The following KLHL26 variants were observed in gnomAD, a reference collection of about 807,000 sequenced individuals.
KLHL26 encodes kelch-like protein 26.
A neutral mutation model predicts 7.1 loss-of-function variants in KLHL26; 4 were observed. The ratio of observed to expected loss-of-function variants is 0.56; its 90% CI spans 0.28 to 1.28. KLHL26 has a LOEUF of 1.28. KLHL26 is among the 50% of genes most tolerant of loss of function. KLHL26 has a pLI of 0.11. For missense variants in KLHL26, 896 were observed against 924.6 expected (o/e 0.97, Z 0.40); for synonymous variants, 465 against 414.1 (o/e 1.12, Z -1.49).
intron 1 of KLHL26, among the ~76,000 whole-genome samples, chr19:18,660,530 G>A (rs906020277): frequency 1.3e-5 from 2 of 152,194 alleles, no homozygotes; most frequent in African/African-American, 2.4e-5. Flanking sequence ...CGTGCCGGCC[G>A]CCCCCTGTCT....
chr19:18,655,939 C>T (rs1027395843), intron 1 of KLHL26, among the ~76,000 whole-genome samples: 2 of 152,166 alleles, frequency 1.3e-5, no homozygotes, highest in African/African-American at 2.4e-5. Flanking sequence ...CATCACAGCC[C>T]GGCCTTGAGG....
At chr19:18,641,478 C>T (rs961422691) in intron 1 of KLHL26, among the ~76,000 whole-genome samples, 3 of 151,452 alleles carry the variant, frequency 2.0e-5, no homozygotes, top group African/African-American at 7.3e-5. Context: ...GCTACCACAC[C>T]CGGCTAATTT....
chr19:18,668,315 G>C lies in KLHL26; in HGVS notation c.918G>C (p.Ser306=), dbSNP rs779278866. ...EMQSPRTAVR[S]DVPSLVTFGG... ...AGTCTCCGCGCACCGCCGTGCGCTC[G>C]GATGTGCCCTCGCTCGTCACCTTCG... The change falls in exon 3 of 3, where the codon TCG becomes TCC. Residue 306 remains serine (S), a synonymous_variant. Transcript: ENST00000300976. The C allele has an allele frequency of 6.2e-7, 1 of 1,611,016 alleles. No individual in the cohort carries two copies. Among genetic ancestry groups the C allele is most frequent in the Non-Finnish European group, 8.5e-7 (1 of 1,179,726 alleles).
chr19:18,654,365 T>A (rs1311266370), intron 1 of KLHL26, among the ~76,000 whole-genome samples: 1 of 129,120 alleles, frequency 7.7e-6, no homozygotes, highest in Non-Finnish European at 1.6e-5. Flanking sequence ...TGCCCACTCA[T>A]CCACCATCTG....
In KLHL26 at chr19:18,670,329, G is replaced by C. The variant is rs979619289; in HGVS notation, c.*1084G>C. 1 of 151,282 alleles carries C rather than the reference G, an allele frequency of 6.6e-6. No individual in the cohort carries two copies. Among genetic ancestry groups the C allele is most frequent in the Non-Finnish European group, 1.5e-5 (1 of 67,664 alleles). The allele number at this position is 151,282 out of a possible 1,614,324, so 9.4% of individuals were successfully genotyped here. A position where few individuals can be genotyped will look rare whatever the true frequency, so the allele number is the denominator to read the frequency against. On this transcript the variant is annotated 3_prime_UTR_variant, in exon 3 of 3. Transcript: ENST00000300976. The stretch of plus-strand genomic sequence containing the variant: ...AAGAAGCCAGCACTGCTGTCTCATA[G>C]ATGGGATTTGTACTCTTGGGGCAAC...
rs963828859 is a variant in KLHL26 at position 18,669,530 on chromosome 19, C to T, written c.*285C>T. The T allele has an allele frequency of 4.1e-5, 23 of 562,754 alleles. No individual in the cohort carries two copies. Among genetic ancestry groups the T allele is most frequent in the South Asian group, 3.1e-4 (13 of 41,980 alleles). 34.9% of individuals were successfully genotyped at this position (562,754 alleles called of 1,614,324 possible). A position where few individuals can be genotyped will look rare whatever the true frequency, so the allele number is the denominator to read the frequency against. On this transcript the variant is annotated 3_prime_UTR_variant, in exon 3 of 3. Coordinates refer to ENST00000300976, the MANE Select transcript of KLHL26 (RefSeq NM_018316.3). ...TCCTCGCCTGGCCCCCGAGTCCCCA[C>T]GGGCTGGCGGGTGGAATCCCAGGTC...
chr19:18,655,163 G>A (rs12975964), intron 1 of KLHL26, among the ~76,000 whole-genome samples: 150,899 of 152,364 alleles, frequency 0.99, 74,728 homozygotes, highest in Middle Eastern at 1. Context: ...CCCTTCATCT[G>A]TAGAGTGGGG....
intron 1 of KLHL26, among the ~76,000 whole-genome samples, chr19:18,654,460 T>C (rs2052305774): frequency 7.0e-6 from 1 of 142,542 alleles, no homozygotes; most frequent in Non-Finnish European, 1.5e-5. Flanking sequence ...CCACCAATCC[T>C]CTCATCTACC....
rs1491479387 is a variant in KLHL26 at position 18,650,626 on chromosome 19, C to CACAGATG, written c.83+13492_83+13498dup. ...GTTTATACTCCACGTGAGTCACTTG[C>CACAGATG]ACAGATGACGGGTGATGTTTTCCTC... On this transcript the variant is annotated intron_variant, in intron 1 of 2. Coordinates refer to ENST00000300976, the MANE Select transcript of KLHL26 (RefSeq NM_018316.3). The surrounding 1 kb of genome is among the most constrained non-coding windows in gnomAD (Gnocchi z 4.2). Among the ~76,000 whole-genome samples, 3 of 152,218 alleles carry CACAGATG rather than the reference C, an allele frequency of 2.0e-5. No homozygotes were observed. The highest frequency in any genetic ancestry group is 4.8e-5 in the African/African-American group (2 of 41,456).
At chr19:18,653,441 C>T (rs920752531) in intron 1 of KLHL26, among the ~76,000 whole-genome samples, 1 of 138,520 alleles carries the variant, frequency 7.2e-6, no homozygotes, top group African/African-American at 2.7e-5. Flanking sequence ...TCCACCCTTC[C>T]ATCCACCCAC....
chr19:18,637,162 C>G, intron 1 of KLHL26, 25 bp downstream of exon 1: 1 of 1,299,288 alleles, frequency 7.7e-7, no homozygotes, highest in African/African-American at 1.5e-5. Context: ...GCAGGATAGA[C>G]CTGCACCTGT....
chr19:18,644,459 T>C lies in KLHL26; in HGVS notation c.83+7322T>C, dbSNP rs370225279. 2.6e-5 allele frequency among the ~76,000 whole-genome samples: 4 copies of C among 152,186 alleles called. No individual in the cohort carries two copies. In the East Asian group the frequency reaches 5.8e-4, roughly 22 times the overall value. On this transcript the variant is annotated intron_variant, in intron 1 of 2. Coordinates refer to ENST00000300976, the MANE Select transcript of KLHL26 (RefSeq NM_018316.3). The stretch of plus-strand genomic sequence containing the variant: ...GGGGCGCATGCTTGTTGTATATTCT[T>C]GATCATGCTGGTCACCACCTAACGT...
At position 18,667,646 on chromosome 19, in the gene KLHL26, T is replaced by C; in HGVS notation, c.267-18T>C. On this transcript the variant is annotated intron_variant, in intron 2 of 2. Coordinates refer to ENST00000300976, the MANE Select transcript of KLHL26 (RefSeq NM_018316.3). ...CCCTCAGCCACTGCCAGCCACACGT[T>C]GTGTTTCTGCCCTTCAGGGCCATGT... 1 of 1,598,998 alleles carries C rather than the reference T, an allele frequency of 6.3e-7. No homozygotes were observed. Among genetic ancestry groups the C allele is most frequent in the East Asian group, 2.2e-5 (1 of 44,710 alleles).
chr19:18,643,581 C>T (rs530819219), intron 1 of KLHL26, among the ~76,000 whole-genome samples: 10 of 151,712 alleles, frequency 6.6e-5, no homozygotes, highest in Non-Finnish European at 1.0e-4. Context: ...TGGGTTCAAG[C>T]GATTCTCCTG....
Position 18,668,299 on chromosome 19 carries a change from G to C in KLHL26, c.902G>C (p.Arg301Pro). The change falls in exon 3 of 3, where the codon CGC (arginine) becomes CCC (proline). Residue 301 changes from arginine to proline, a missense_variant. By Grantham distance (103) the Arg-to-Pro change is moderately radical (BLOSUM62 -2). Transcript: ENST00000300976. ...CGGCAGCACGAGATGCAGTCTCCGC[G>C]CACCGCCGTGCGCTCGGATGTGCCC... ...PFRQHEMQSP[R>P]TAVRSDVPSL... 6.2e-7 allele frequency: 1 copy of C among 1,611,522 alleles called. No homozygotes were observed. Among genetic ancestry groups the C allele is most frequent in the Non-Finnish European group, 8.5e-7 (1 of 1,179,834 alleles).
intron 1 of KLHL26, among the ~76,000 whole-genome samples, chr19:18,639,483 C>T (rs1297713359): frequency 1.6e-5 from 2 of 127,646 alleles, no homozygotes; most frequent in Non-Finnish European, 3.2e-5. Context: ...GATCTCGGCT[C>T]ACTGCAACCT....
chr19:18,638,875 A>AT (rs1976664131), intron 1 of KLHL26, among the ~76,000 whole-genome samples: 1 of 151,464 alleles, frequency 6.6e-6, no homozygotes, highest in East Asian at 1.9e-4. Context: ...TAATTTTTAA[A>AT]TTTTTTGTAA....
intron 1 of KLHL26, among the ~76,000 whole-genome samples, chr19:18,663,594 G>T (rs1194068770): frequency 6.6e-6 from 1 of 152,184 alleles, no homozygotes; most frequent in East Asian, 1.9e-4. Context: ...ACAGAGCAGG[G>T]TGCCTCAGCC....
At chr19:18,666,007 G>C (rs2052444552) in intron 2 of KLHL26, among the ~76,000 whole-genome samples, 1 of 152,222 alleles carries the variant, frequency 6.6e-6, no homozygotes, top group Admixed American at 6.5e-5. Flanking sequence ...GGCCAGCCCA[G>C]CCAGCAATGC....
Sources: allele counts gnomAD v4.1 joint callset (sites outside exome capture counted in the v4.1 genomes callset), GRCh38; gene constraint gnomAD v4.1.1; non-coding constraint Gnocchi (gnomAD v3.1); transcripts MANE v1.5; gene names NCBI Gene and HGNC (gene_info 2026-07-23, HGNC 2026-07-21).